ZNF780A: variants seen among roughly 807,000 people sequenced by gnomAD.
The protein encoded by ZNF780A is zinc finger protein 780A.
Under a neutral mutation model 56.7 loss-of-function variants are expected in ZNF780A, and 40 were observed. That is an observed-to-expected ratio of 0.71 (90% confidence interval 0.55 to 0.92). The LOEUF (loss-of-function observed/expected upper bound fraction) is 0.92, where lower values mean the gene tolerates loss of function less well. ZNF780A is among the 40% of genes least tolerant of loss of function. The pLI, the probability that ZNF780A is intolerant of heterozygous loss-of-function variation, is 0.00. For synonymous variants in ZNF780A, 231 were observed against 248.3 expected (o/e 0.93, Z 0.66); for missense variants, 672 against 783.3 (o/e 0.86, Z 1.70).
chr19:40,081,771 T>C (rs1371419802), intron 5 of ZNF780A, 48 bp downstream of exon 5: 5 of 1,487,480 alleles, frequency 3.4e-6, no homozygotes, highest in Non-Finnish European at 4.7e-6. Flanking sequence ...TCTGAGCACA[T>C]GTCCAGGACA....
chr19:40,081,960 T>A (rs1599844927), intron 4 of ZNF780A, 46 bp from the exon 5 acceptor site: 2 of 1,453,142 alleles, frequency 1.4e-6, no homozygotes, highest in Middle Eastern at 3.6e-4. Context: ...AATACAGATT[T>A]TTTTTTTTCA....
At chr19:40,084,003 G>A (rs1046244637) in intron 3 of ZNF780A, among the ~76,000 whole-genome samples, 10 of 151,896 alleles carry the variant, frequency 6.6e-5, no homozygotes, top group East Asian at 3.9e-4. Flanking sequence ...AGGTTCAAGC[G>A]ATTCTCCTGC....
intron 2 of ZNF780A, among the ~76,000 whole-genome samples, chr19:40,088,804 A>ATTTAC (rs1192127844): frequency 6.6e-6 from 1 of 152,218 alleles, no homozygotes; most frequent in Non-Finnish European, 1.5e-5. Flanking sequence ...ATGCAGGTAT[A>ATTTAC]TTTACACAAG....
Position 40,074,544 on chromosome 19 carries a change from T to C in ZNF780A, c.1898A>G (p.Asn633Ser). The C allele has an allele frequency of 3.1e-6, 5 of 1,614,004 alleles. No homozygotes were observed. Among genetic ancestry groups the C allele is most frequent in the Non-Finnish European group, 3.4e-6 (4 of 1,179,938 alleles). Residue 633 changes from asparagine (N) to serine (S), a missense_variant, in exon 6 of 6, where the codon AAC becomes AGC. Transcript: ENST00000683561. ...AGATGCCTTCTCACCTGTGTGAATG[T>C]TCTTATGGCGATTAAGCTGGGTGGG... Reference protein sequence around the residue: ...SLPTQLNRHKNIHTGEKAS With the variant: ...SLPTQLNRHKSIHTGEKAS
At chr19:40,089,413 T>C in intron 2 of ZNF780A, 1 of 817,064 alleles carries the variant, frequency 1.2e-6, no homozygotes, top group South Asian at 4.7e-5. Flanking sequence ...AATGCTCCTG[T>C]TCTGTAGAGA....
chr19:40,083,392 T>C (rs1974597375), intron 3 of ZNF780A, among the ~76,000 whole-genome samples, 155 bp from the exon 4 acceptor site: 1 of 152,224 alleles, frequency 6.6e-6, no homozygotes, highest in Non-Finnish European at 1.5e-5. Flanking sequence ...TGGCTGAGTA[T>C]GGTGGCTTAT....
At chr19:40,071,696 C>CTAA (rs1360311892), downstream of ZNF780A, 2 of 152,340 alleles carry the variant, frequency 1.3e-5, no homozygotes, top group East Asian at 3.9e-4. Context: ...CTTAGTTTCA[C>CTAA]TAATGCAAGG....
At chr19:40,083,087 A>T in intron 4 of ZNF780A, 24 bp downstream of exon 4, 1 of 1,614,154 alleles carries the variant, frequency 6.2e-7, no homozygotes. Context: ...AGATATAAAA[A>T]TAGCTGGGAC....
chr19:40,082,062 G>C, intron 4 of ZNF780A, 148 bp from the exon 5 acceptor site: 1 of 514,306 alleles, frequency 1.9e-6, no homozygotes, highest in Non-Finnish European at 3.4e-6. Context: ...TTGAGTAAGA[G>C]AACTCTTTTC....
At chr19:40,084,890 T>C in intron 2 of ZNF780A, 92 bp from the exon 3 acceptor site, 1 of 1,421,660 alleles carries the variant, frequency 7.0e-7, no homozygotes, top group Non-Finnish European at 9.6e-7. Context: ...TCTCAACTAC[T>C]CCTGCTAACA....
At chr19:40,084,677 T>C in intron 3 of ZNF780A, 68 bp downstream of exon 3, 1 of 1,490,174 alleles carries the variant, frequency 6.7e-7, no homozygotes, top group Non-Finnish European at 9.1e-7. Context: ...AGCTTCAGGT[T>C]AAATAATAAC....
chr19:40,081,110 C>T (rs77552870), intron 5 of ZNF780A, among the ~76,000 whole-genome samples: 1,858 of 151,862 alleles, frequency 0.012, 22 homozygotes, highest in East Asian at 0.049. Context: ...TTAAACTAAA[C>T]GCTTCTGCAG....
At chr19:40,079,135 G>T (rs1974331099) in intron 5 of ZNF780A, among the ~76,000 whole-genome samples, 1 of 152,102 alleles carries the variant, frequency 6.6e-6, no homozygotes, top group African/African-American at 2.4e-5. Context: ...GAAAGTAAAG[G>T]AATGGTAAAA....
chr19:40,076,519 G>A lies in ZNF780A; in HGVS notation c.233-310C>T, dbSNP rs138098743. ...TATGTTCTATAGGACTTAAGACCATGAGACCCATAGTTTCATAGTCAGTAA... is the reference window on the plus strand; with the variant it reads ...TATGTTCTATAGGACTTAAGACCATAAGACCCATAGTTTCATAGTCAGTAA... On this transcript the variant is annotated intron_variant, in intron 5 of 5. Coordinates refer to ENST00000683561, the MANE Select transcript of ZNF780A (RefSeq NM_001142578.2). Among the ~76,000 whole-genome samples, 7 of 152,330 alleles carry A rather than the reference G, an allele frequency of 4.6e-5. No homozygotes were observed. In the East Asian group the frequency reaches 1.3e-3, roughly 29 times the overall value.
At chr19:40,085,962 A>ATG (rs1974770986) in intron 2 of ZNF780A, among the ~76,000 whole-genome samples, 1 of 149,484 alleles carries the variant, frequency 6.7e-6, no homozygotes, top group African/African-American at 2.5e-5. Context: ...GTGTATATAT[A>ATG]TATGTGTGTG....
rs1974085472 is a variant in ZNF780A, at chr19:40,075,680, A to G, written c.762T>C (p.Cys254=). 6.2e-7 allele frequency: 1 copy of G among 1,614,038 alleles called. No homozygotes were observed. Among genetic ancestry groups the G allele is most frequent in the African/African-American group, 1.3e-5 (1 of 74,990 alleles). Residue 254 remains cysteine, a synonymous_variant, in exon 6 of 6, where the codon TGT becomes TGC. Transcript: ENST00000683561. ...TTGAGCTACGATTAAAGGACTTCCC[A>G]CATTCCTTACATTCAAACAGTTTCT... ...TGEKLFECKE[C]GKSFNRSSNL... is the part of the protein sequence containing the mutation.
In ZNF780A at chr19:40,074,750, T is replaced by C; in HGVS notation, c.1692A>G (p.Lys564=). The C allele has an allele frequency of 1.9e-6, 3 of 1,613,848 alleles. No individual in the cohort carries two copies. The highest frequency in any genetic ancestry group is 1.6e-4 in the Middle Eastern group (1 of 6,062). The change falls in exon 6 of 6, where the codon AAA becomes AAG. Residue 564 remains lysine (K), a synonymous_variant. Transcript: ENST00000683561. The part of the protein sequence containing the change: ...KKPFECKECG[K]AFRLHMHLIR... ...TAAGGTGCATATGAAGTCGAAAGGCTTTCCCACATTCCTTACATTCAAAGG... is the reference window on the plus strand; with the variant it reads ...TAAGGTGCATATGAAGTCGAAAGGCCTTCCCACATTCCTTACATTCAAAGG...
chr19:40,089,282 G>A, intron 2 of ZNF780A: 1 of 1,418,460 alleles, frequency 7.0e-7, no homozygotes, highest in Admixed American at 2.6e-5. Context: ...TGTTGCACAT[G>A]ATAAATACAT....
intron 2 of ZNF780A, among the ~76,000 whole-genome samples, chr19:40,087,641 AC>A (rs1974886883): frequency 6.7e-6 from 1 of 149,756 alleles, no homozygotes; most frequent in Admixed American, 6.6e-5. Flanking sequence ...CCTTACAGAA[AC>A]AGGAAAAAAA....
Sources: allele counts gnomAD v4.1 joint callset (sites outside exome capture counted in the v4.1 genomes callset), GRCh38; gene constraint gnomAD v4.1.1; transcripts MANE v1.5; gene names NCBI Gene and HGNC (gene_info 2026-07-23, HGNC 2026-07-21).